The following ZNF732 variants were observed in gnomAD, a reference collection of about 807,000 sequenced individuals.
The protein encoded by ZNF732 is zinc finger protein 732, also known as zinc finger protein LOC654254.
Under a neutral mutation model 11.5 loss-of-function variants are expected in ZNF732, and 12 were observed. The observed-to-expected ratio is 1.05, with a 90% CI of 0.67 to 1.70. The LOEUF (loss-of-function observed/expected upper bound fraction) is 1.70, where lower values mean the gene tolerates loss of function less well. Ranked by LOEUF, ZNF732 falls within the 40% of genes most tolerant of loss-of-function variation. The pLI is 0.00. For synonymous variants in ZNF732, 231 were observed against 236.5 expected (o/e 0.98, Z 0.21); for missense variants, 702 against 676.9 (o/e 1.04, Z -0.41).
rs575056126 is a variant in ZNF732, at chr4:271,900, T to C, written c.957A>G (p.Thr319=). Reference sequence around the variant, plus strand: ...GAATTCTGTTATGTTTAGTAAGGGTTGTGGACCTATTAAAGACTTTGCCAC... The same window carrying C: ...GAATTCTGTTATGTTTAGTAAGGGTCGTGGACCTATTAAAGACTTTGCCAC... ...QECGKVFNRS[T]TLTKHNRIHT... The change falls in exon 4 of 4, where the codon ACA becomes ACG. Residue 319 remains threonine, a synonymous_variant. Coordinates refer to ENST00000419098, the MANE Select transcript of ZNF732 (RefSeq NM_001137608.3). 7 of 1,612,914 alleles carry C rather than the reference T, an allele frequency of 4.3e-6. No homozygotes were observed. The highest frequency in any genetic ancestry group is 1.7e-5 in the Admixed American group (1 of 59,864).
intron 3 of ZNF732, among the ~76,000 whole-genome samples, chr4:292,403 C>T (rs1390823660): frequency 6.6e-6 from 1 of 151,740 alleles, no homozygotes; most frequent in Non-Finnish European, 1.5e-5. Context: ...ATTAAAAATA[C>T]AAAATTAGCT....
chr4:303,945 G>A (rs1720172585), intron 1 of ZNF732, among the ~76,000 whole-genome samples: 1 of 152,196 alleles, frequency 6.6e-6, no homozygotes, highest in Admixed American at 6.5e-5. Flanking sequence ...TACAAGTGCA[G>A]GTCTAGGCAG....
chr4:299,398 T>TATGTGTATATATACACATATATACAC (rs1720038561), intron 1 of ZNF732, among the ~76,000 whole-genome samples: 1 of 42,758 alleles, frequency 2.3e-5, no homozygotes, highest in African/African-American at 5.7e-5. Context: ...TATGTACACA[T>TATGTGTATATATACACATATATACAC]ATGTGTATAT....
At chr4:283,770 C>T (rs1009452886) in intron 3 of ZNF732, among the ~76,000 whole-genome samples, 3 of 152,064 alleles carry the variant, frequency 2.0e-5, no homozygotes, top group Non-Finnish European at 4.4e-5. Flanking sequence ...ATATATAGAA[C>T]ATTTCATCCA....
chr4:271,925 CATTCCTGACA>C lies in ZNF732; in HGVS notation c.922_931del (p.Cys308ValfsTer39). On this transcript the variant is annotated frameshift_variant, in exon 4 of 4. Coordinates refer to ENST00000419098, the MANE Select transcript of ZNF732 (RefSeq NM_001137608.3). LOFTEE classifies it low-confidence loss of function (END_TRUNC). ...TGTGGACCTATTAAAGACTTTGCCA[CATTCCTGACA>C]TTTGTAGAGTTTCTCTCCGGTATGA... The C allele has an allele frequency of 1.2e-6, 2 of 1,610,298 alleles. No individual in the cohort carries two copies. The highest frequency in any genetic ancestry group is 1.7e-6 in the Non-Finnish European group (2 of 1,178,040).
At chr4:303,040 G>A (rs1244028720) in intron 1 of ZNF732, among the ~76,000 whole-genome samples, 1 of 152,102 alleles carries the variant, frequency 6.6e-6, no homozygotes, top group Admixed American at 6.5e-5. Flanking sequence ...GCAATTAACT[G>A]ATAAAATACT....
chr4:290,267 GC>G lies in ZNF732; in HGVS notation c.226+5170del, dbSNP rs1158645038. On this transcript the variant is annotated intron_variant, in intron 3 of 3. Coordinates refer to ENST00000419098, the MANE Select transcript of ZNF732 (RefSeq NM_001137608.3). The stretch of plus-strand genomic sequence containing the variant: ...CCCTCACCAGGTGGCCAACTCAAGA[GC>G]CCATAGACATAGCTACAGACAAGGA... Among the ~76,000 whole-genome samples, 3 of 152,230 alleles carry G rather than the reference GC, an allele frequency of 2.0e-5. No individual in the cohort carries two copies. The East Asian group carries it at 5.8e-4, about 29-fold the overall frequency.
At chr4:297,608 A>T (rs6846655) in intron 1 of ZNF732, among the ~76,000 whole-genome samples, 30 of 2,886 alleles carry the variant, frequency 0.01, no homozygotes, top group East Asian at 0.021. Context: ...TAAGATTTGT[A>T]AAAAAAAAAA....
chr4:295,315 T>C, intron 3 of ZNF732, 123 bp downstream of exon 3: 1 of 708,950 alleles, frequency 1.4e-6, no homozygotes, highest in East Asian at 2.8e-5. Context: ...GAGAAAAAAA[T>C]GCAGCCTTTT....
intron 3 of ZNF732, among the ~76,000 whole-genome samples, chr4:276,646 A>G (rs1201212042): frequency 6.6e-6 from 1 of 151,960 alleles, no homozygotes; most frequent in African/African-American, 2.4e-5. Context: ...AATTGTAAAT[A>G]ATTAAAAAGT....
intron 1 of ZNF732, among the ~76,000 whole-genome samples, chr4:303,591 G>A (rs1365017760): frequency 5.3e-5 from 8 of 152,186 alleles, no homozygotes; most frequent in African/African-American, 1.9e-4. Flanking sequence ...CCTCCAGCCT[G>A]GGCAACAGAG....
In ZNF732 at chr4:296,139, C is replaced by CT. The variant is rs1553842262; in HGVS notation, c.19dup (p.Arg7LysfsTer24). 6.2e-7 allele frequency: 1 copy of CT among 1,611,878 alleles called. No individual in the cohort carries two copies. Among genetic ancestry groups the CT allele is most frequent in the Non-Finnish European group, 8.5e-7 (1 of 1,179,526 alleles). On this transcript the variant is annotated frameshift_variant, in exon 2 of 4. Transcript: ENST00000419098. LOFTEE classifies it high-confidence loss of function. The stretch of plus-strand genomic sequence containing the variant: ...TGGAGAGAATTCTATGGCCACATCC[C>CT]TGAATGTTAAGAGTTCCTGAAAATA...
intron 3 of ZNF732, among the ~76,000 whole-genome samples, chr4:276,916 A>G (rs1178763723): frequency 1.3e-5 from 2 of 151,810 alleles, no homozygotes; most frequent in African/African-American, 2.4e-5. Context: ...AAAATATACT[A>G]TAAAGCTATA....
In ZNF732 at chr4:272,320, G is replaced by C; in HGVS notation, c.537C>G (p.Phe179Leu). 6.2e-7 allele frequency: 1 copy of C among 1,612,154 alleles called. No individual in the cohort carries two copies. The highest frequency in any genetic ancestry group is 8.5e-7 in the Non-Finnish European group (1 of 1,178,860). ...FKECGKSFQK[F>L]SDLTQHQGIH... ...TTCCTTGATGTTGAGTTAGGTCTGA[G>C]AACTTCTGAAATGACTTGCCACATT... The change falls in exon 4 of 4, where the codon TTC (phenylalanine) becomes TTG (leucine). Residue 179 changes from phenylalanine (F) to leucine (L), a missense_variant. Phe to Leu is a conservative substitution (Grantham distance 22, BLOSUM62 0). Transcript: ENST00000419098.
chr4:282,089 A>G (rs1719630316), intron 3 of ZNF732, among the ~76,000 whole-genome samples: 1 of 152,236 alleles, frequency 6.6e-6, no homozygotes, highest in Admixed American at 6.5e-5. Flanking sequence ...CAGGAGACTC[A>G]GTTATACAGA....
At chr4:290,299 T>C (rs565977020) in intron 3 of ZNF732, among the ~76,000 whole-genome samples, 7 of 152,314 alleles carry the variant, frequency 4.6e-5, no homozygotes, top group African/African-American at 1.4e-4. Context: ...AAGGAAATTA[T>C]GCACAGAGTT....
intron 3 of ZNF732, among the ~76,000 whole-genome samples, chr4:282,222 A>G (rs1238948197): frequency 1.3e-5 from 2 of 152,224 alleles, no homozygotes; most frequent in African/African-American, 4.8e-5. Context: ...AAAGATGTAA[A>G]GTGTGACATA....
chr4:299,380 TATAC>T lies in ZNF732; in HGVS notation c.4-3229_4-3226del, dbSNP rs1321735056. ...ATATATACACATATGTGTATATATA[TATAC>T]ACATATGTACACATATGTGTATATA... On this transcript the variant is annotated intron_variant, in intron 1 of 3. Coordinates refer to ENST00000419098, the MANE Select transcript of ZNF732 (RefSeq NM_001137608.3). Among the ~76,000 whole-genome samples, 44 of 101,432 alleles carry T rather than the reference TATAC, an allele frequency of 4.3e-4. 3 individuals carry two copies. The highest frequency in any genetic ancestry group is 1.2e-3 in the African/African-American group (39 of 32,080). The allele number at this position is 101,432 out of a possible 152,430, so 66.5% of individuals were successfully genotyped here.
chr4:299,506 C>CATATAT lies in ZNF732; in HGVS notation c.4-3352_4-3351insATATAT, dbSNP rs1553843267. Among the ~76,000 whole-genome samples, 71 of 95,058 alleles carry CATATAT rather than the reference C, an allele frequency of 7.5e-4. 1 individual carries two copies. Among genetic ancestry groups the CATATAT allele is most frequent in the Non-Finnish European group, 1.0e-3 (49 of 48,094 alleles). The allele number at this position is 95,058 out of a possible 152,430, so 62.4% of individuals were successfully genotyped here. A position where few individuals can be genotyped will look rare whatever the true frequency, so the allele number is the denominator to read the frequency against. On this transcript the variant is annotated intron_variant, in intron 1 of 3. Coordinates refer to ENST00000419098, the MANE Select transcript of ZNF732 (RefSeq NM_001137608.3). ...ATACACATATGTGTGTATATATACA[C>CATATAT]ACATATACGTATATATGTGTATATA...
Sources: allele counts gnomAD v4.1 joint callset (sites outside exome capture counted in the v4.1 genomes callset), GRCh38; gene constraint gnomAD v4.1.1; transcripts MANE v1.5; gene names NCBI Gene and HGNC (gene_info 2026-07-23, HGNC 2026-07-21).